The following SLCO3A1 variants were observed in gnomAD, a reference collection of about 807,000 sequenced individuals.
SLCO3A1 encodes PGE1 transporter.
A neutral mutation model predicts 63.1 loss-of-function variants in SLCO3A1; 27 were observed. The ratio of observed to expected loss-of-function variants is 0.43; its 90% confidence interval spans 0.32 to 0.59. The LOEUF (loss-of-function observed/expected upper bound fraction) is 0.59. Among genes scored for constraint, SLCO3A1 ranks in the 20% least tolerant of loss-of-function variants. SLCO3A1 has a pLI of 0.09. For synonymous variants in SLCO3A1, 473 were observed against 409.9 expected (o/e 1.15, Z -1.86); for missense variants, 773 against 945.8 (o/e 0.82, Z 2.40).
chr15:92,114,635 C>T (rs1321466197), intron 4 of SLCO3A1, among the ~76,000 whole-genome samples: 9 of 152,162 alleles, frequency 5.9e-5, no homozygotes, highest in Non-Finnish European at 1.3e-4. Context: ...TTCCTCTTTC[C>T]CTTTTTTTAA....
intron 8 of SLCO3A1, 98 bp downstream of exon 8, chr15:92,147,257 A>C (rs1277918201): frequency 2.4e-6 from 3 of 1,269,124 alleles, no homozygotes; most frequent in Non-Finnish European, 3.3e-6. Context: ...GAATCTCTCG[A>C]ACCAGGTGAG....
intron 2 of SLCO3A1, among the ~76,000 whole-genome samples, chr15:92,053,063 T>C (rs1342449250): frequency 1.3e-5 from 2 of 152,218 alleles, no homozygotes; most frequent in Non-Finnish European, 2.9e-5. Context: ...TTAAGGCATG[T>C]ATCTTATGCC....
chr15:91,949,899 C>T (rs1231072009), intron 2 of SLCO3A1, among the ~76,000 whole-genome samples: 2 of 151,864 alleles, frequency 1.3e-5, no homozygotes, highest in Non-Finnish European at 2.9e-5. Context: ...TCCAGCTACT[C>T]GGGAGGCTGA....
chr15:92,117,625 G>A (rs2047811511), intron 4 of SLCO3A1, among the ~76,000 whole-genome samples: 1 of 152,110 alleles, frequency 6.6e-6, no homozygotes. Context: ...AACCCGACGT[G>A]ATCCATACTG....
intron 7 of SLCO3A1, among the ~76,000 whole-genome samples, chr15:92,131,585 C>A (rs1202922926): frequency 6.9e-6 from 1 of 144,954 alleles, no homozygotes; most frequent in African/African-American, 2.5e-5. Context: ...CCAGGCTGGT[C>A]TTGAACTCCT....
intron 2 of SLCO3A1, among the ~76,000 whole-genome samples, chr15:92,020,232 C>T (rs2046491668): frequency 7.0e-6 from 1 of 143,580 alleles, no homozygotes; most frequent in East Asian, 1.9e-4. Flanking sequence ...TATACACACA[C>T]ACACACTATA....
chr15:91,974,824 G>T (rs1283211947), intron 2 of SLCO3A1, among the ~76,000 whole-genome samples: 1 of 152,180 alleles, frequency 6.6e-6, no homozygotes, highest in Non-Finnish European at 1.5e-5. Context: ...GATGAAGCCA[G>T]TGTCCCCATT....
chr15:92,014,105 C>T (rs931574906), intron 2 of SLCO3A1, among the ~76,000 whole-genome samples: 3 of 152,150 alleles, frequency 2.0e-5, no homozygotes, highest in Non-Finnish European at 4.4e-5. Context: ...AAGCTTAAAC[C>T]TGAGCCCATT....
At chr15:92,042,480 A>G (rs1267159849) in intron 2 of SLCO3A1, among the ~76,000 whole-genome samples, 1 of 152,160 alleles carries the variant, frequency 6.6e-6, no homozygotes, top group African/African-American at 2.4e-5. Flanking sequence ...TTATTCATCT[A>G]CCTGCTGAAC....
intron 2 of SLCO3A1, among the ~76,000 whole-genome samples, chr15:91,926,791 G>A (rs539980874): frequency 6.8e-4 from 103 of 152,240 alleles, no homozygotes; most frequent in Non-Finnish European, 9.8e-4. Context: ...TGTGCCTTGC[G>A]GGAGTCGGGG....
intron 2 of SLCO3A1, among the ~76,000 whole-genome samples, chr15:92,022,439 G>T (rs1349093269): frequency 6.6e-6 from 1 of 152,226 alleles, no homozygotes; most frequent in Non-Finnish European, 1.5e-5. Flanking sequence ...TATGACCTTA[G>T]CCCACTTGCC....
chr15:91,982,578 G>A (rs1297133727), intron 2 of SLCO3A1, among the ~76,000 whole-genome samples: 1 of 152,238 alleles, frequency 6.6e-6, no homozygotes, highest in Non-Finnish European at 1.5e-5. Flanking sequence ...CAAAAGCAGT[G>A]TTAGGGCTTG....
At chr15:91,965,091 G>A (rs1338560501) in intron 2 of SLCO3A1, among the ~76,000 whole-genome samples, 1 of 152,014 alleles carries the variant, frequency 6.6e-6, no homozygotes, top group Non-Finnish European at 1.5e-5. Context: ...GGGGCTGTGG[G>A]GATACTCAGT....
chr15:91,972,927 C>G (rs1900935987), intron 2 of SLCO3A1, among the ~76,000 whole-genome samples: 1 of 152,162 alleles, frequency 6.6e-6, no homozygotes, highest in Admixed American at 6.5e-5. Context: ...TCGAGACCAT[C>G]CTGGCCAATA....
intron 2 of SLCO3A1, among the ~76,000 whole-genome samples, chr15:91,930,658 G>A (rs1029993744): frequency 6.6e-6 from 1 of 152,142 alleles, no homozygotes; most frequent in Non-Finnish European, 1.5e-5. Flanking sequence ...CCCGTACAAG[G>A]TGCTGGGGAT....
chr15:91,975,790 A>C (rs1017571721), intron 2 of SLCO3A1, among the ~76,000 whole-genome samples: 3 of 152,230 alleles, frequency 2.0e-5, no homozygotes, highest in Non-Finnish European at 4.4e-5. Context: ...GCTCCAAGGC[A>C]GGCAAGAGGA....
intron 2 of SLCO3A1, among the ~76,000 whole-genome samples, chr15:92,086,776 G>A (rs1284006867): frequency 6.6e-6 from 1 of 152,020 alleles, no homozygotes. Flanking sequence ...AAAAGTTCAG[G>A]ACCAGCCTGG....
intron 1 of SLCO3A1, among the ~76,000 whole-genome samples, chr15:91,890,943 A>G (rs913424442): frequency 1.2e-4 from 19 of 152,252 alleles, no homozygotes; most frequent in African/African-American, 4.6e-4. Flanking sequence ...TTATGATAAT[A>G]TCACAATAAT....
chr15:92,097,521 C>T (rs550199316), intron 3 of SLCO3A1, among the ~76,000 whole-genome samples: 1 of 152,284 alleles, frequency 6.6e-6, no homozygotes, highest in East Asian at 1.9e-4. Flanking sequence ...CGTTAAGGCC[C>T]AGGGTGGAGC....
Sources: gnomAD v4.1 joint callset for allele counts (sites outside exome capture counted in the v4.1 genomes callset) on GRCh38, gnomAD v4.1.1 for gene constraint, MANE v1.5 for transcripts, NCBI Gene and HGNC (gene_info 2026-07-23, HGNC 2026-07-21) for gene names.